The following UBE2D3 variants were observed in gnomAD, a reference collection of about 807,000 sequenced individuals.
UBE2D3 encodes the protein ubiquitin-conjugating enzyme E2 D3.
UBE2D3 carries 2 observed loss-of-function variants against 22.8 expected under a neutral mutation model. The observed-to-expected ratio is 0.09, with a 90% confidence interval of 0.04 to 0.28. UBE2D3 has a LOEUF of 0.28. Among genes scored for constraint, UBE2D3 ranks in the 10% least tolerant of loss-of-function variants. UBE2D3 has a pLI of 1.00. For synonymous variants in UBE2D3, 56 were observed against 60.4 expected, an observed-to-expected ratio of 0.93 and a Z score of 0.34; for missense variants, 27 against 182.5, an observed-to-expected ratio of 0.15 and a Z score of 4.91.
At chr4:102,852,337 C>T (rs1732400995) in intron 1 of UBE2D3, among the ~76,000 whole-genome samples, 1 of 152,190 alleles carries the variant, frequency 6.6e-6, no homozygotes, top group Non-Finnish European at 1.5e-5. Context: ...CATCTTATGT[C>T]ATTACTGTTT....
chr4:102,848,555 G>T (rs1732164665), intron 1 of UBE2D3, among the ~76,000 whole-genome samples: 1 of 152,132 alleles, frequency 6.6e-6, no homozygotes, highest in African/African-American at 2.4e-5. Context: ...TGAGACAGGA[G>T]AATCGCATGA....
At chr4:102,798,948 T>A in intron 7 of UBE2D3, 1 of 1,612,012 alleles carries the variant, frequency 6.2e-7, no homozygotes, top group Non-Finnish European at 8.5e-7. Context: ...AGCGTATTTC[T>A]CTGTCCACTC....
chr4:102,832,504 G>A (rs1731167870), upstream of UBE2D3, among the ~76,000 whole-genome samples: 1 of 152,130 alleles, frequency 6.6e-6, no homozygotes, highest in Non-Finnish European at 1.5e-5. Flanking sequence ...TGAAGCATGT[G>A]CCCAAAGTAT....
At chr4:102,839,593 A>G (rs1404071717) in intron 1 of UBE2D3, among the ~76,000 whole-genome samples, 1 of 152,204 alleles carries the variant, frequency 6.6e-6, no homozygotes, top group Admixed American at 6.5e-5. Context: ...TGAATAAGGC[A>G]TTTGCTTTAT....
intron 7 of UBE2D3, among the ~76,000 whole-genome samples, chr4:102,798,239 T>A (rs186875618): frequency 1.6e-5 from 2 of 123,886 alleles, no homozygotes; most frequent in East Asian, 4.4e-4. Flanking sequence ...TGCCATAGAC[T>A]ACTTACAACA....
At chr4:102,860,914 T>C (rs1049608683) in intron 1 of UBE2D3, among the ~76,000 whole-genome samples, 1 of 151,938 alleles carries the variant, frequency 6.6e-6, no homozygotes, top group Non-Finnish European at 1.5e-5. Flanking sequence ...GGTGAGCCTA[T>C]GGTGGAGTCT....
chr4:102,845,172 T>C (rs2110361217), intron 1 of UBE2D3, among the ~76,000 whole-genome samples: 1 of 151,818 alleles, frequency 6.6e-6, no homozygotes, highest in African/African-American at 2.4e-5. Context: ...GCTGAGATTA[T>C]GCCACTGCAC....
At chr4:102,808,862 A>AT (rs1282314886) in intron 4 of UBE2D3, among the ~76,000 whole-genome samples, 1 of 152,106 alleles carries the variant, frequency 6.6e-6, no homozygotes, top group Non-Finnish European at 1.5e-5. Context: ...CTCTAAGAGC[A>AT]TTTTTTCCTT....
At chr4:102,853,793 A>G (rs1460754113) in intron 1 of UBE2D3, among the ~76,000 whole-genome samples, 1 of 152,210 alleles carries the variant, frequency 6.6e-6, no homozygotes. Flanking sequence ...CTATTCAAAA[A>G]GGAAAGAAAA....
At chr4:102,868,765 G>A (rs758177957) in exon 1 of UBE2D3, 107 of 1,613,918 alleles carry the variant, frequency 6.6e-5, no homozygotes, top group Non-Finnish European at 5.7e-5. Flanking sequence ...TTATCTCATC[G>A]CACACAGTAT....
At chr4:102,825,867 T>C in intron 2 of UBE2D3, 1 of 446,304 alleles carries the variant, frequency 2.2e-6, no homozygotes, top group Non-Finnish European at 4.5e-6. Context: ...AACTACAAAA[T>C]ACAGGAAGTG....
chr4:102,850,139 TATA>T (rs1560890162), intron 1 of UBE2D3, among the ~76,000 whole-genome samples: 1 of 152,126 alleles, frequency 6.6e-6, no homozygotes, highest in African/African-American at 2.4e-5. Flanking sequence ...TTTTCAGAAA[TATA>T]ATGGTGAAAA....
At chr4:102,823,746 G>C (rs1304273716) in intron 2 of UBE2D3, among the ~76,000 whole-genome samples, 1 of 152,140 alleles carries the variant, frequency 6.6e-6, no homozygotes, top group Admixed American at 6.5e-5. Flanking sequence ...GAAAAAAGTT[G>C]ATTGGTCTAA....
intron 1 of UBE2D3, chr4:102,843,300 ATTTTT>A (rs113354125): frequency 6.9e-6 from 1 of 145,274 alleles, no homozygotes; most frequent in Non-Finnish European, 1.5e-5. Flanking sequence ...ATTTTGTTTC[ATTTTT>A]TTTTTTTTAT....
At chr4:102,840,891 C>T (rs1313755464) in intron 1 of UBE2D3, among the ~76,000 whole-genome samples, 1 of 151,960 alleles carries the variant, frequency 6.6e-6, no homozygotes, top group Non-Finnish European at 1.5e-5. Flanking sequence ...GTGGCAGGCG[C>T]CTGTAGTCCC....
upstream of UBE2D3, among the ~76,000 whole-genome samples, chr4:102,832,176 G>A (rs2110346092): frequency 6.6e-6 from 1 of 152,232 alleles, no homozygotes. Context: ...AAGGGAGCAA[G>A]GCAAAGTTGG....
At chr4:102,853,585 T>C (rs1452128118) in intron 1 of UBE2D3, among the ~76,000 whole-genome samples, 1 of 152,198 alleles carries the variant, frequency 6.6e-6, no homozygotes, top group East Asian at 1.9e-4. Flanking sequence ...GTATATATTG[T>C]TATCTTTATT....
At chr4:102,822,228 T>C (rs890106002) in intron 2 of UBE2D3, among the ~76,000 whole-genome samples, 31 of 152,182 alleles carry the variant, frequency 2.0e-4, no homozygotes, top group African/African-American at 7.2e-4. Flanking sequence ...CAGTAATGCA[T>C]CCTTTTTCAA....
intron 2 of UBE2D3, 135 bp from the exon 3 acceptor site, chr4:102,809,990 C>T: frequency 2.4e-6 from 2 of 831,150 alleles, no homozygotes; most frequent in South Asian, 1.6e-5. Context: ...ATAATATATT[C>T]CATTAGGAGA....
Sources: gnomAD v4.1 joint callset for allele counts (sites outside exome capture counted in the v4.1 genomes callset) on GRCh38, gnomAD v4.1.1 for gene constraint, MANE v1.5 for transcripts, NCBI Gene and HGNC (gene_info 2026-07-23, HGNC 2026-07-21) for gene names.